The following PPP1R9A variants were observed in gnomAD, a reference collection of about 807,000 sequenced individuals.
PPP1R9A encodes protein phosphatase 1 regulatory subunit 9A, also known as neurabin-1.
Under a neutral mutation model 141.9 loss-of-function variants are expected in PPP1R9A, and 59 were observed. The observed-to-expected ratio is 0.42, with a 90% confidence interval of 0.34 to 0.52. The LOEUF (loss-of-function observed/expected upper bound fraction) is 0.52. Ranked by LOEUF, PPP1R9A falls within the 20% of genes least tolerant of loss-of-function variation. The probability of loss-of-function intolerance (pLI) is 0.10; values close to 1 mark genes in which losing one functional copy is unlikely to be tolerated. For synonymous variants in PPP1R9A, 500 were observed against 569.7 expected, an observed-to-expected ratio of 0.88 and a Z score of 1.74; for missense variants, 1,444 against 1,611.9, an observed-to-expected ratio of 0.90 and a Z score of 1.78.
At chr7:94,932,518 G>C (rs1794279275) in intron 2 of PPP1R9A, among the ~76,000 whole-genome samples, 2 of 152,160 alleles carry the variant, frequency 1.3e-5, no homozygotes, top group African/African-American at 4.8e-5. Context: ...CCTTGGAGTA[G>C]AGCTAATTCT....
intron 4 of PPP1R9A, among the ~76,000 whole-genome samples, chr7:95,145,992 T>A (rs1358991794): frequency 6.6e-6 from 1 of 152,224 alleles, no homozygotes; most frequent in Non-Finnish European, 1.5e-5. Flanking sequence ...GTAGAATGAT[T>A]TATATCCTTT....
chr7:94,926,970 G>A lies in PPP1R9A; in HGVS notation c.1395+15462G>A, dbSNP rs540434797. Among the ~76,000 whole-genome samples, 12 of 152,092 alleles carry A rather than the reference G, an allele frequency of 7.9e-5. 1 individual carries two copies. The highest frequency in any genetic ancestry group is 2.4e-4 in the African/African-American group (10 of 41,486). ...TATTTTTTGCCTGGATGTTTCCTCC[G>A]TGAATTACATTATCTGGAAAATGTC... On this transcript the variant is annotated intron_variant, in intron 2 of 19. Coordinates refer to ENST00000433360, the MANE Select transcript of PPP1R9A (RefSeq NM_001166160.2).
intron 12 of PPP1R9A, among the ~76,000 whole-genome samples, chr7:95,257,851 A>AT (rs1480345923): frequency 6.6e-6 from 1 of 152,194 alleles, no homozygotes; most frequent in Non-Finnish European, 1.5e-5. Context: ...TGAACTCATC[A>AT]TTTTTTATGG....
At chr7:94,992,985 C>G (rs1801706746) in intron 2 of PPP1R9A, among the ~76,000 whole-genome samples, 1 of 151,766 alleles carries the variant, frequency 6.6e-6, no homozygotes, top group Non-Finnish European at 1.5e-5. Flanking sequence ...ATATATTCTA[C>G]TTTTTCTTCT....
Position 95,291,741 on chromosome 7 carries a change from G to A in PPP1R9A, c.*1438G>A, listed in dbSNP as rs1358477424. The A allele has an allele frequency of 6.6e-6, 1 of 152,060 alleles. No individual in the cohort carries two copies. The highest frequency in any genetic ancestry group is 6.6e-5 in the Admixed American group (1 of 15,248). The allele number at this position is 152,060 out of a possible 1,614,324, so 9.4% of individuals were successfully genotyped here. A position where few individuals can be genotyped will look rare whatever the true frequency, so the allele number is the denominator to read the frequency against. On this transcript the variant is annotated 3_prime_UTR_variant, in exon 20 of 20. Transcript: ENST00000433360. ...GACAAGTTTCAGAATAAGACTTGAG[G>A]CCACATGAATTCTTGGACAGTATTT...
chr7:95,189,578 A>G lies in PPP1R9A; in HGVS notation c.1755-8771A>G, dbSNP rs866151776. On this transcript the variant is annotated intron_variant, in intron 5 of 19. Coordinates refer to ENST00000433360, the MANE Select transcript of PPP1R9A (RefSeq NM_001166160.2). ...CAGCCTCCCAAGTAGCTGGGACTACAGGCGCCCGCCACTACGCCCGGCTAA... is the reference window on the plus strand; with the variant it reads ...CAGCCTCCCAAGTAGCTGGGACTACGGGCGCCCGCCACTACGCCCGGCTAA... 7.6e-3 allele frequency among the ~76,000 whole-genome samples: 1,125 copies of G among 148,994 alleles called. 12 individuals carry two copies. Among genetic ancestry groups the G allele is most frequent in the African/African-American group, 0.026 (1,070 of 40,740 alleles).
At chr7:95,270,030 G>A (rs1347934700) in intron 14 of PPP1R9A, among the ~76,000 whole-genome samples, 1 of 152,150 alleles carries the variant, frequency 6.6e-6, no homozygotes, top group Non-Finnish European at 1.5e-5. Context: ...TCAACCGAAT[G>A]TAGTCTCCAC....
intron 2 of PPP1R9A, among the ~76,000 whole-genome samples, chr7:94,980,734 T>C (rs1328783272): frequency 6.6e-6 from 1 of 152,070 alleles, no homozygotes; most frequent in African/African-American, 2.4e-5. Context: ...CTATGGAGTA[T>C]GTTACTGTGA....
At chr7:95,230,767 G>A (rs1333740270) in intron 8 of PPP1R9A, among the ~76,000 whole-genome samples, 1 of 151,962 alleles carries the variant, frequency 6.6e-6, no homozygotes, top group Non-Finnish European at 1.5e-5. Context: ...CCAAAACAAA[G>A]AGAAACAAAT....
chr7:94,948,549 G>A (rs1796127325), intron 2 of PPP1R9A, among the ~76,000 whole-genome samples: 1 of 152,054 alleles, frequency 6.6e-6, no homozygotes, highest in Non-Finnish European at 1.5e-5. Flanking sequence ...TGATGATTTA[G>A]TTTCCAGGCT....
chr7:94,944,992 A>G (rs1795743513), intron 2 of PPP1R9A, among the ~76,000 whole-genome samples: 1 of 152,194 alleles, frequency 6.6e-6, no homozygotes, highest in South Asian at 2.1e-4. Context: ...TGTGATAGCC[A>G]AGAGGTAAAC....
At chr7:95,127,767 G>A (rs73220013) in intron 4 of PPP1R9A, among the ~76,000 whole-genome samples, 18,361 of 152,154 alleles carry the variant, frequency 0.12, 1,221 homozygotes, top group East Asian at 0.19. Context: ...AGAATATGCA[G>A]TATTTGGTTT....
chr7:95,181,161 G>GAT (rs960062890), intron 5 of PPP1R9A, among the ~76,000 whole-genome samples: 9 of 145,130 alleles, frequency 6.2e-5, no homozygotes, highest in African/African-American at 1.0e-4. Flanking sequence ...TAGAAACTGT[G>GAT]ATATATATAT....
intron 2 of PPP1R9A, among the ~76,000 whole-genome samples, chr7:94,994,322 A>G (rs980574582): frequency 1.3e-5 from 2 of 152,078 alleles, no homozygotes; most frequent in Admixed American, 6.6e-5. Context: ...GGTGGGGAGA[A>G]TTCTTTTTAT....
intron 2 of PPP1R9A, among the ~76,000 whole-genome samples, chr7:95,063,620 C>T (rs1256195206): frequency 1.3e-5 from 2 of 152,034 alleles, no homozygotes; most frequent in Non-Finnish European, 2.9e-5. Context: ...TCATTTGCTG[C>T]AGATTCTTAC....
intron 2 of PPP1R9A, among the ~76,000 whole-genome samples, chr7:94,997,539 G>T (rs917924373): frequency 6.6e-6 from 1 of 152,122 alleles, no homozygotes; most frequent in Non-Finnish European, 1.5e-5. Flanking sequence ...GTAACACTCT[G>T]CTCAGTGTTT....
intron 2 of PPP1R9A, among the ~76,000 whole-genome samples, chr7:95,100,057 G>A (rs1365391057): frequency 6.6e-6 from 1 of 151,860 alleles, no homozygotes; most frequent in Admixed American, 6.6e-5. Context: ...ATATATGTGT[G>A]TGTATGCATG....
In PPP1R9A at chr7:95,120,693, C is replaced by CCTTTT; in HGVS notation, c.1529-19_1529-18insCTTTT. ...AAACTTAAGTTGTTTCACCTCCCCCCTTTTTTTCTTTTTAATAGATGAGGA... is the reference window on the plus strand; with the variant it reads ...AAACTTAAGTTGTTTCACCTCCCCCCCTTTTTTTTTTTCTTTTTAATAGATGAGGA... On this transcript the variant is annotated intron_variant, in intron 3 of 19. Coordinates refer to ENST00000433360, the MANE Select transcript of PPP1R9A (RefSeq NM_001166160.2). 6.2e-7 allele frequency: 1 copy of CCTTTT among 1,606,478 alleles called. No individual in the cohort carries two copies.
chr7:95,173,548 C>A (rs2152759082), intron 5 of PPP1R9A, among the ~76,000 whole-genome samples: 1 of 151,788 alleles, frequency 6.6e-6, no homozygotes, highest in African/African-American at 2.4e-5. Context: ...TTACAAAATA[C>A]CCTTAAGAAA....
Sources: allele counts gnomAD v4.1 joint callset (sites outside exome capture counted in the v4.1 genomes callset), GRCh38; gene constraint gnomAD v4.1.1; transcripts MANE v1.5; gene names NCBI Gene and HGNC (gene_info 2026-07-23, HGNC 2026-07-21).